The following PEAK3 variants were observed in gnomAD, a reference collection of about 807,000 sequenced individuals.
The protein encoded by PEAK3 is PEAK family member 3.
In PEAK3, 15 loss-of-function variants were observed where a neutral mutation model predicts 13.3. The ratio of observed to expected loss-of-function variants is 1.13; its 90% CI spans 0.75 to 1.73. PEAK3 has a LOEUF of 1.73. PEAK3 is among the 40% of genes most tolerant of loss of function. The probability of loss-of-function intolerance (pLI) is 0.00; values close to 1 mark genes in which losing one functional copy is unlikely to be tolerated. For missense variants in PEAK3, 739 were observed against 690.2 expected (o/e 1.07, Z -0.79); for synonymous variants, 347 against 341.9 (o/e 1.01, Z -0.17).
chr19:2,275,728 C>G lies in PEAK3; in HGVS notation c.1374G>C (p.Glu458Asp). 6.4e-7 allele frequency: 1 copy of G among 1,558,436 alleles called. No individual in the cohort carries two copies. Among genetic ancestry groups the G allele is most frequent in the Non-Finnish European group, 8.7e-7 (1 of 1,154,194 alleles). Reference protein sequence around the residue: ...EDWLCCEYLAEATESSMGQAL... With the variant: ...EDWLCCEYLADATESSMGQAL... The stretch of plus-strand genomic sequence containing the variant: ...CCTGGCCCATCGAGGACTCGGTGGC[C>G]TCGGCCAGGTATTCGCAACACAGCC... The change falls in exon 4 of 4, where the codon GAG becomes GAC. Residue 458 changes from glutamate (E) to aspartate (D), a missense_variant. By Grantham distance (45) the Glu-to-Asp change is conservative. Transcript: ENST00000342063.
rs1174188773 is a variant in PEAK3, at chr19:2,275,814, GCCCGCGGCGCA to G, written c.1277_1287del (p.Val426AlafsTer71). 4 of 1,529,186 alleles carry G rather than the reference GCCCGCGGCGCA, an allele frequency of 2.6e-6. No individual in the cohort carries two copies. The highest frequency in any genetic ancestry group is 3.5e-6 in the Non-Finnish European group (4 of 1,144,612). The allele number at this position is 1,529,186 out of a possible 1,614,324, so 94.7% of individuals were successfully genotyped here. A position where few individuals can be genotyped will look rare whatever the true frequency, so the allele number is the denominator to read the frequency against. ...CGCTCTGCTAGGCGCAGGACCAGCA[GCCCGCGGCGCA>G]CCCGCAGCCAGGGCCCGAGCGCTCG... On this transcript the variant is annotated frameshift_variant, in exon 4 of 4. Transcript: ENST00000342063. LOFTEE classifies it low-confidence loss of function (END_TRUNC).
Position 2,278,607 on chromosome 19 carries a change from C to A in PEAK3, c.589G>T (p.Ala197Ser), listed in dbSNP as rs765860277. The part of the protein sequence containing the change: ...YYRVVRAHED[A>S]WHILVAKVPK... ...ACCTTGGCGACCAGGATGTGCCAGG[C>A]GTCCTCGTGCGCGCGCACCACGCGG... Residue 197 changes from alanine to serine, a missense_variant, in exon 3 of 4, where the codon GCC becomes TCC. Physicochemically the swap from Ala to Ser is moderately conservative, Grantham distance 99. Transcript: ENST00000342063. 5.4e-6 allele frequency: 8 copies of A among 1,484,918 alleles called. No homozygotes were observed. In the Admixed American group the frequency reaches 1.2e-4, roughly 22 times the overall value. 92.0% of individuals were successfully genotyped at this position (1,484,918 alleles called of 1,614,324 possible). A position where few individuals can be genotyped will look rare whatever the true frequency, so the allele number is the denominator to read the frequency against.
rs752328649 is a variant in PEAK3 at position 2,280,783 on chromosome 19, C to T, written c.82+67G>A. ...CCTGCCGCTCCCTGCACCCACCTGC[C>T]GCTCCCTGCACCCCCCTGCCGCTCC... On this transcript the variant is annotated intron_variant, in intron 2 of 3. Coordinates refer to ENST00000342063, the MANE Select transcript of PEAK3 (RefSeq NM_198532.3). 33 of 1,292,878 alleles carry T rather than the reference C, an allele frequency of 2.6e-5. No homozygotes were observed. The East Asian group carries it at 6.6e-4, about 26-fold the overall frequency. The allele number at this position is 1,292,878 out of a possible 1,614,324, so 80.1% of individuals were successfully genotyped here.
rs1200246011 is a variant in PEAK3 at position 2,278,512 on chromosome 19, A to C, written c.612+72T>G. On this transcript the variant is annotated intron_variant, in intron 3 of 3. Coordinates refer to ENST00000342063, the MANE Select transcript of PEAK3 (RefSeq NM_198532.3). ...AACTGACTCACAGAAAGGCCAAATG[A>C]AACAAGCCCTGGGTTATGTCTAAGA... 2.2e-6 allele frequency: 3 copies of C among 1,360,620 alleles called. 1 individual carries two copies. The African/African-American group carries it at 4.4e-5, about 20-fold the overall frequency. 84.3% of individuals were successfully genotyped at this position (1,360,620 alleles called of 1,614,324 possible). A position where few individuals can be genotyped will look rare whatever the true frequency, so the allele number is the denominator to read the frequency against.
At chr19:2,280,086 G>T (rs1193849663) in intron 2 of PEAK3, among the ~76,000 whole-genome samples, 12 of 110,436 alleles carry the variant, frequency 1.1e-4, no homozygotes, top group African/African-American at 3.4e-4. Flanking sequence ...TTTTTGAGAT[G>T]GAGTCTCCCT....
chr19:2,278,875 A>T lies in PEAK3; in HGVS notation c.321T>A (p.Cys107Ter). The part of the protein sequence containing the change: ...DKSQAAVGPA[C>*]LPAELTFGPA... The stretch of plus-strand genomic sequence containing the variant: ...GGCCAAAGGTCAGCTCTGCAGGGAG[A>T]CAGGCTGGTCCCACTGCAGCCTGGC... Residue 107 changes from cysteine (C) to a stop codon, truncating the protein, a stop_gained, in exon 3 of 4, where the codon TGT becomes TGA. Coordinates refer to ENST00000342063, the MANE Select transcript of PEAK3 (RefSeq NM_198532.3). LOFTEE classifies it high-confidence loss of function. 1.3e-6 allele frequency: 2 copies of T among 1,597,716 alleles called. No homozygotes were observed. Among genetic ancestry groups the T allele is most frequent in the Admixed American group, 1.7e-5 (1 of 57,454 alleles).
rs1347334586 is a variant in PEAK3, at chr19:2,276,011, G to A, written c.1091C>T (p.Ala364Val). 2 of 1,415,442 alleles carry A rather than the reference G, an allele frequency of 1.4e-6. No homozygotes were observed. The highest frequency in any genetic ancestry group is 1.8e-6 in the Non-Finnish European group (2 of 1,089,970). 87.7% of individuals were successfully genotyped at this position (1,415,442 alleles called of 1,614,324 possible). A position where few individuals can be genotyped will look rare whatever the true frequency, so the allele number is the denominator to read the frequency against. The change falls in exon 4 of 4, where the codon GCG becomes GTG. Residue 364 changes from alanine to valine, a missense_variant. Physicochemically the swap from Ala to Val is moderately conservative, Grantham distance 64 (BLOSUM62 0). Coordinates refer to ENST00000342063, the MANE Select transcript of PEAK3 (RefSeq NM_198532.3). Reference protein sequence around the residue: ...SLLRALLSLAAPSTTPLAAGL... With the variant: ...SLLRALLSLAVPSTTPLAAGL... ...CGCGGCCAAAGGCGTGGTCGAGGGC[G>A]CAGCAAGGCTGAGCAGCGCTCGGAG... is the stretch of plus-strand genomic sequence containing the variant.
At chr19:2,280,765 C>T (rs545718575) in intron 2 of PEAK3, 85 bp downstream of exon 2, 3 of 956,012 alleles carry the variant, frequency 3.1e-6, no homozygotes, top group Non-Finnish European at 4.3e-6. Flanking sequence ...CCTCCTGCCG[C>T]TCCCTGCACC....
intron 1 of PEAK3, among the ~76,000 whole-genome samples, chr19:2,281,670 G>A (rs923272139): frequency 6.8e-6 from 1 of 146,448 alleles, no homozygotes; most frequent in Non-Finnish European, 1.5e-5. Context: ...GGGCCCTGCT[G>A]TGTGATCCCG....
chr19:2,280,158 G>T (rs1568409055), intron 2 of PEAK3, among the ~76,000 whole-genome samples: 1 of 142,868 alleles, frequency 7.0e-6, no homozygotes, highest in African/African-American at 2.6e-5. Flanking sequence ...TGCCTCACAG[G>T]TTCAAGCGAT....
rs1254195750 is a variant in PEAK3, at chr19:2,276,027, G to GCGCT, written c.1071_1074dup (p.Leu359SerfsTer48). ...GTCGAGGGCGCAGCAAGGCTGAGCA[G>GCGCT]CGCTCGGAGGAGGCTGCCCAGCTGC... On this transcript the variant is annotated frameshift_variant, in exon 4 of 4. Transcript: ENST00000342063. LOFTEE classifies it low-confidence loss of function (END_TRUNC). The GCGCT allele has an allele frequency of 1.4e-6, 2 of 1,431,542 alleles. No homozygotes were observed. Among genetic ancestry groups the GCGCT allele is most frequent in the South Asian group, 3.0e-5 (2 of 67,740 alleles). 88.7% of individuals were successfully genotyped at this position (1,431,542 alleles called of 1,614,324 possible). A position where few individuals can be genotyped will look rare whatever the true frequency, so the allele number is the denominator to read the frequency against.
rs769288439 is a variant in PEAK3, at chr19:2,276,432, G to C, written c.670C>G (p.Leu224Val). ...HPWGLELQAS[L>V]SPHFNLQGLC... ...CCCTGCAGATTGAAGTGTGGAGACA[G>C]GGAGGCCTGCAGCTCCAGGCCCCAC... The change falls in exon 4 of 4, where the codon CTG (leucine) becomes GTG (valine). Residue 224 changes from leucine (L) to valine (V), a missense_variant. By Grantham distance (32) the Leu-to-Val change is conservative. Coordinates refer to ENST00000342063, the MANE Select transcript of PEAK3 (RefSeq NM_198532.3). 2.2e-5 allele frequency: 35 copies of C among 1,589,438 alleles called. No individual in the cohort carries two copies. The highest frequency in any genetic ancestry group is 2.8e-5 in the Non-Finnish European group (33 of 1,172,072).
chr19:2,279,696 A>G (rs77833359), intron 2 of PEAK3, among the ~76,000 whole-genome samples: 16,801 of 151,636 alleles, frequency 0.11, 1,342 homozygotes, highest in East Asian at 0.34. Context: ...TCAGAGAGTG[A>G]TGCCACCCAG....
At position 2,276,132 on chromosome 19, in the gene PEAK3, G is replaced by T; in HGVS notation, c.970C>A (p.Pro324Thr). ...CCAAAGTCAGTGAGGAGCAGGCGTG[G>T]GGGCCCCGTCGTCGCACAGCCCCGA... is the stretch of plus-strand genomic sequence containing the variant. Reference protein sequence around the residue: ...APRGCATTGPPRLLLTDFGRV... With the variant: ...APRGCATTGPTRLLLTDFGRV... Residue 324 changes from proline (P) to threonine (T), a missense_variant, in exon 4 of 4, where the codon CCA becomes ACA. Transcript: ENST00000342063. The T allele has an allele frequency of 6.5e-7, 1 of 1,539,468 alleles. No homozygotes were observed.
At position 2,280,895 on chromosome 19, in the gene PEAK3, G is replaced by T; in HGVS notation, c.37C>A (p.Pro13Thr). ...TGAGTCGACCAGGTGGGGTTGTCGG[G>T]CTCGGGGGGCTCTGTGGGGGGCTCC... ...SPEPPTEPPE[P>T]DNPTWSTQPT... The change falls in exon 2 of 4, where the codon CCC becomes ACC. Residue 13 changes from proline to threonine, a missense_variant. Physicochemically the swap from Pro to Thr is conservative, Grantham distance 38. Transcript: ENST00000342063. 1 of 1,593,710 alleles carries T rather than the reference G, an allele frequency of 6.3e-7. No homozygotes were observed. The highest frequency in any genetic ancestry group is 8.5e-7 in the Non-Finnish European group (1 of 1,170,136).
At chr19:2,279,223 G>T in intron 2 of PEAK3, 110 bp from the exon 3 acceptor site, 1 of 965,406 alleles carries the variant, frequency 1.0e-6, no homozygotes, top group Non-Finnish European at 1.4e-6. Context: ...AAGTAATGAG[G>T]CTGGGCGCCG....
rs962000556 is a variant in PEAK3 at position 2,275,566 on chromosome 19, C to A, written c.*114G>T. On this transcript the variant is annotated 3_prime_UTR_variant, in exon 4 of 4. Transcript: ENST00000342063. ...GAGTGGGGCATTGCTCTCTCTGCTG[C>A]GCTCCTGGACTCTGCAGGAAGAGGG... 5.1e-6 allele frequency: 5 copies of A among 971,930 alleles called. No individual in the cohort carries two copies. Among genetic ancestry groups the A allele is most frequent in the Non-Finnish European group, 6.8e-6 (5 of 733,776 alleles). The allele number at this position is 971,930 out of a possible 1,614,324, so 60.2% of individuals were successfully genotyped here.
At chr19:2,280,756 C>G (rs1466335781) in intron 2 of PEAK3, 94 bp downstream of exon 2, 1 of 1,002,144 alleles carries the variant, frequency 1.0e-6, no homozygotes, top group East Asian at 2.8e-5. Context: ...GCCCGGCAAC[C>G]TCCTGCCGCT....
At position 2,275,758 on chromosome 19, in the gene PEAK3, C is replaced by G. The variant is rs1228988451; in HGVS notation, c.1344G>C (p.Glu448Asp). Residue 448 changes from glutamate to aspartate, a missense_variant, in exon 4 of 4, where the codon GAG becomes GAC. Glu to Asp is a conservative substitution (Grantham distance 45). Coordinates refer to ENST00000342063, the MANE Select transcript of PEAK3 (RefSeq NM_198532.3). ...RAAGGEAPSL[E>D]DWLCCEYLAE... ...CCAGGTATTCGCAACACAGCCAGTC[C>G]TCGAGGCTGGGAGCTTCCCCACCTG... 1.3e-6 allele frequency: 2 copies of G among 1,584,624 alleles called. No individual in the cohort carries two copies. Among genetic ancestry groups the G allele is most frequent in the Admixed American group, 1.8e-5 (1 of 57,068 alleles).
Sources: gnomAD v4.1 joint callset for allele counts (sites outside exome capture counted in the v4.1 genomes callset) on GRCh38, gnomAD v4.1.1 for gene constraint, MANE v1.5 for transcripts, NCBI Gene and HGNC (gene_info 2026-07-23, HGNC 2026-07-21) for gene names.